POLR3GL: variants seen among roughly 807,000 people sequenced by gnomAD.
POLR3GL encodes DNA-directed RNA polymerase III subunit RPC7-like.
A neutral mutation model predicts 32.4 loss-of-function variants in POLR3GL; 26 were observed. The observed-to-expected ratio is 0.80, with a 90% CI of 0.59 to 1.11. The LOEUF is 1.11. Ranked by LOEUF, POLR3GL falls within the 50% of genes most tolerant of loss-of-function variation. The pLI is 0.00. For missense variants in POLR3GL, 229 were observed against 280.1 expected (o/e 0.82, Z 1.30); for synonymous variants, 95 against 98.7 (o/e 0.96, Z 0.22).
intron 1 of POLR3GL, among the ~76,000 whole-genome samples, chr1:145,970,723 C>T (rs1028109923): frequency 2.7e-5 from 4 of 149,778 alleles, no homozygotes; most frequent in African/African-American, 9.8e-5. Flanking sequence ...AATACAAAAA[C>T]AAATTAGCCG....
rs1553763511 is a variant in POLR3GL, at chr1:145,977,086, G to T, written c.259G>T (p.Val87Leu). Reference sequence around the variant, plus strand: ...ACTTTGACCCTTCCACCCCTCAGATGTGGAGCGTTATTCAGACAAATATCA... The same window carrying T: ...ACTTTGACCCTTCCACCCCTCAGATTTGGAGCGTTATTCAGACAAATATCA... ...FIRPAVPKRDVERYSDKYQMS... is the reference protein window; with the variant it reads ...FIRPAVPKRDLERYSDKYQMS... Residue 87 changes from valine (V) to leucine (L), a missense_variant and splice_region_variant, in exon 4 of 8, where the codon GTG (valine) becomes TTG (leucine). Val to Leu is a conservative substitution (Grantham distance 32, BLOSUM62 1). Coordinates refer to ENST00000369314, the MANE Select transcript of POLR3GL (RefSeq NM_032305.3). The T allele has an allele frequency of 6.2e-7, 1 of 1,613,796 alleles. No homozygotes were observed. The highest frequency in any genetic ancestry group is 1.3e-5 in the African/African-American group (1 of 74,956).
intron 7 of POLR3GL, 123 bp downstream of exon 7, chr1:145,978,219 C>T: frequency 7.3e-7 from 1 of 1,379,236 alleles, no homozygotes. Context: ...CTTCTCTCTA[C>T]TTCATCTGCC....
rs587632539 is a variant in POLR3GL at position 145,975,575 on chromosome 1, A to G, written c.256+139A>G. 4 of 933,716 alleles carry G rather than the reference A, an allele frequency of 4.3e-6. No homozygotes were observed. In the Admixed American group the frequency reaches 8.2e-5, roughly 19 times the overall value. 57.8% of individuals were successfully genotyped at this position (933,716 alleles called of 1,614,324 possible). A position where few individuals can be genotyped will look rare whatever the true frequency, so the allele number is the denominator to read the frequency against. Reference sequence around the variant, plus strand: ...CATAATAGTTACCCCTGTATCTGAAATGCATTATAGTATTCATGGTTTGTT... The same window carrying G: ...CATAATAGTTACCCCTGTATCTGAAGTGCATTATAGTATTCATGGTTTGTT... On this transcript the variant is annotated intron_variant, in intron 3 of 7. Transcript: ENST00000369314.
intron 3 of POLR3GL, among the ~76,000 whole-genome samples, chr1:145,975,682 T>G (rs73004682): frequency 0.038 from 5,745 of 152,244 alleles, 393 homozygotes; most frequent in African/African-American, 0.13. Context: ...GGGATGTATT[T>G]TCTAAAAAAT....
chr1:145,971,309 C>T (rs587596912), intron 1 of POLR3GL, among the ~76,000 whole-genome samples: 1 of 151,392 alleles, frequency 6.6e-6, no homozygotes, highest in Non-Finnish European at 1.5e-5. Context: ...ACCTATTGCT[C>T]TTTTTCTGTA....
rs1189889944 is a variant in POLR3GL, at chr1:145,976,169, G to GGAGGCT, written c.256+751_256+756dup. Among the ~76,000 whole-genome samples, 620 of 152,158 alleles carry GGAGGCT rather than the reference G, an allele frequency of 4.1e-3. 3 individuals carry two copies. The highest frequency in any genetic ancestry group is 0.014 in the African/African-American group (583 of 41,514). On this transcript the variant is annotated intron_variant, in intron 3 of 7. Coordinates refer to ENST00000369314, the MANE Select transcript of POLR3GL (RefSeq NM_032305.3). The stretch of plus-strand genomic sequence containing the variant: ...GTGTGCCTGTGGTCTCAGCTACTCG[G>GGAGGCT]GAGGCTGAGGCTGAGGCTGAGGCAT...
chr1:145,967,879 A>G (rs1650110155), intron 1 of POLR3GL, among the ~76,000 whole-genome samples: 2 of 152,208 alleles, frequency 1.3e-5, no homozygotes, highest in Non-Finnish European at 2.9e-5. Context: ...TGATTCTATT[A>G]TTGTTATTTT....
intron 5 of POLR3GL, 112 bp downstream of exon 5, chr1:145,977,651 A>G: frequency 7.7e-7 from 1 of 1,306,508 alleles, no homozygotes; most frequent in Non-Finnish European, 1.1e-6. Flanking sequence ...CAATCTACCA[A>G]GTGTTGTTGC....
chr1:145,965,779 A>G (rs758247569), intron 1 of POLR3GL, among the ~76,000 whole-genome samples: 3 of 152,224 alleles, frequency 2.0e-5, no homozygotes, highest in Non-Finnish European at 4.4e-5. Flanking sequence ...CTAAATAAGA[A>G]ATATATAGCT....
At chr1:145,978,289 G>A (rs1650656476) in intron 7 of POLR3GL, 72 bp from the exon 8 acceptor site, 2 of 1,337,720 alleles carry the variant, frequency 1.5e-6, no homozygotes, top group Non-Finnish European at 2.1e-6. Context: ...GTGACTGAGA[G>A]GAAAGGGGTC....
At chr1:145,976,002 G>A (rs1432184659) in intron 3 of POLR3GL, among the ~76,000 whole-genome samples, 3 of 152,072 alleles carry the variant, frequency 2.0e-5, no homozygotes, top group East Asian at 3.8e-4. Context: ...GGCCGGGTGC[G>A]GTGGCTTACG....
intron 1 of POLR3GL, among the ~76,000 whole-genome samples, chr1:145,967,262 C>T (rs1386265890): frequency 6.6e-6 from 1 of 151,882 alleles, no homozygotes; most frequent in South Asian, 2.1e-4. Flanking sequence ...GCAACCTCCA[C>T]CTCCTGTGTT....
chr1:145,978,232 C>G (rs369796484), intron 7 of POLR3GL, 129 bp from the exon 8 acceptor site: 3 of 1,343,266 alleles, frequency 2.2e-6, no homozygotes, highest in African/African-American at 2.9e-5. Context: ...CATCTGCCCC[C>G]CTTCTACAAA....
rs1259028166 is a variant in POLR3GL at position 145,969,409 on chromosome 1, C to T, written c.-42+4641C>T. On this transcript the variant is annotated intron_variant, in intron 1 of 7. Transcript: ENST00000369314. ...CTTCCTGAGTAGCTGGGACTACAGG[C>T]GCACACCACCATGCCCAGCTAATTT... Among the ~76,000 whole-genome samples the T allele has an allele frequency of 2.0e-5, 3 of 151,890 alleles. No individual in the cohort carries two copies. The East Asian group carries it at 5.9e-4, about 30-fold the overall frequency.
intron 1 of POLR3GL, among the ~76,000 whole-genome samples, chr1:145,970,798 C>T (rs1173492716): frequency 1.3e-5 from 2 of 148,270 alleles, no homozygotes; most frequent in Admixed American, 6.9e-5. Flanking sequence ...ATCGCTTGAA[C>T]CCGGGAGGCG....
intron 1 of POLR3GL, among the ~76,000 whole-genome samples, chr1:145,971,337 A>G (rs1650280704): frequency 6.6e-6 from 1 of 152,006 alleles, no homozygotes; most frequent in African/African-American, 2.4e-5. Context: ...CCCATTTAGG[A>G]TTCCACATTA....
At chr1:145,967,510 C>T (rs1553762186) in intron 1 of POLR3GL, among the ~76,000 whole-genome samples, 1 of 152,122 alleles carries the variant, frequency 6.6e-6, no homozygotes, top group Non-Finnish European at 1.5e-5. Context: ...TGTTCATGTC[C>T]TTTGCCCATT....
At chr1:145,970,464 T>C (rs1650227543) in intron 1 of POLR3GL, among the ~76,000 whole-genome samples, 1 of 152,158 alleles carries the variant, frequency 6.6e-6, no homozygotes, top group African/African-American at 2.4e-5. Flanking sequence ...TTTTTGTTTT[T>C]TGTTTTTGTT....
chr1:145,978,123 C>A, intron 7 of POLR3GL, 27 bp downstream of exon 7: 1 of 1,574,516 alleles, frequency 6.4e-7, no homozygotes, highest in Non-Finnish European at 8.6e-7. Context: ...CCACCTTAGT[C>A]CCCCTCCCTT....
Sources: gnomAD v4.1 joint callset for allele counts (sites outside exome capture counted in the v4.1 genomes callset) on GRCh38, gnomAD v4.1.1 for gene constraint, MANE v1.5 for transcripts, NCBI Gene and HGNC (gene_info 2026-07-23, HGNC 2026-07-21) for gene names.